CNBD1: variants seen among roughly 807,000 people sequenced by gnomAD.
CNBD1 encodes cyclic nucleotide binding domain containing 1.
Under a neutral mutation model 54.4 loss-of-function variants are expected in CNBD1, and 71 were observed. The observed-to-expected ratio is 1.30, with a 90% confidence interval of 1.08 to 1.59. The LOEUF is 1.59. CNBD1 is among the 40% of genes most tolerant of loss of function. The pLI, the probability that CNBD1 is intolerant of heterozygous loss-of-function variation, is 0.00. For synonymous variants in CNBD1, 182 were observed against 170.7 expected, an observed-to-expected ratio of 1.07 and a Z score of -0.51; for missense variants, 659 against 518.0, an observed-to-expected ratio of 1.27 and a Z score of -2.64.
chr8:87,327,293 A>G (rs1053257953), intron 8 of CNBD1, among the ~76,000 whole-genome samples: 1 of 148,982 alleles, frequency 6.7e-6, no homozygotes, highest in Non-Finnish European at 1.5e-5. Context: ...TGGAGCCTAC[A>G]GAGGCAGGCT....
chr8:87,378,930 T>G (rs1476392453), intron 10 of CNBD1, among the ~76,000 whole-genome samples: 1 of 148,972 alleles, frequency 6.7e-6, no homozygotes, highest in Non-Finnish European at 1.5e-5. Context: ...TGAATGGGAG[T>G]TCACTCATGA....
intron 4 of CNBD1, among the ~76,000 whole-genome samples, chr8:87,003,198 G>A (rs1351042064): frequency 6.6e-6 from 1 of 151,990 alleles, no homozygotes; most frequent in Non-Finnish European, 1.5e-5. Flanking sequence ...AGATATGAAG[G>A]GATATATTTA....
chr8:87,030,798 G>T (rs1809764772), intron 4 of CNBD1, among the ~76,000 whole-genome samples: 1 of 151,242 alleles, frequency 6.6e-6, no homozygotes, highest in African/African-American at 2.4e-5. Flanking sequence ...GGCAGAAAGG[G>T]AAAGGGTGAT....
At chr8:87,415,977 A>C (rs1293111249) in intron 2 of CNBD1, among the ~76,000 whole-genome samples, 3 of 151,954 alleles carry the variant, frequency 2.0e-5, no homozygotes. Context: ...TCATATGGAC[A>C]TTAACAAAAA....
intron 6 of CNBD1, among the ~76,000 whole-genome samples, chr8:87,243,740 C>T (rs897034784): frequency 6.6e-6 from 1 of 151,954 alleles, no homozygotes; most frequent in Non-Finnish European, 1.5e-5. Flanking sequence ...TTATTCGTGA[C>T]ACAAAACAGG....
intron 4 of CNBD1, among the ~76,000 whole-genome samples, chr8:87,107,851 A>G (rs1389995971): frequency 1.3e-5 from 2 of 152,214 alleles, no homozygotes; most frequent in Non-Finnish European, 2.9e-5. Flanking sequence ...ATTTCAACCT[A>G]TACCCAGCAG....
chr8:86,888,597 G>A (rs1808715069), intron 2 of CNBD1, among the ~76,000 whole-genome samples: 1 of 152,116 alleles, frequency 6.6e-6, no homozygotes, highest in Admixed American at 6.5e-5. Flanking sequence ...GATTAAATGA[G>A]CCTAATATAT....
intron 10 of CNBD1, among the ~76,000 whole-genome samples, chr8:87,365,967 A>G (rs1256187957): frequency 6.6e-6 from 1 of 152,072 alleles, no homozygotes; most frequent in Non-Finnish European, 1.5e-5. Context: ...CTCTTAAGTC[A>G]TAAAATGTCC....
At chr8:87,336,552 T>C (rs1329328843) in intron 8 of CNBD1, among the ~76,000 whole-genome samples, 2 of 152,158 alleles carry the variant, frequency 1.3e-5, no homozygotes, top group African/African-American at 2.4e-5. Context: ...CATCAGGTCA[T>C]TTATGTTTCT....
At chr8:87,196,835 T>C (rs1219697198) in intron 4 of CNBD1, among the ~76,000 whole-genome samples, 1 of 152,198 alleles carries the variant, frequency 6.6e-6, no homozygotes, top group African/African-American at 2.4e-5. Flanking sequence ...ATCTCTGGAA[T>C]ACACTAAAAT....
intron 4 of CNBD1, among the ~76,000 whole-genome samples, chr8:87,043,343 A>T (rs1372892178): frequency 6.6e-6 from 1 of 152,162 alleles, no homozygotes; most frequent in Non-Finnish European, 1.5e-5. Context: ...ATATCTATAA[A>T]GTCTGATATA....
intron 8 of CNBD1, among the ~76,000 whole-genome samples, chr8:87,321,611 T>A (rs1049960904): frequency 3.3e-5 from 5 of 152,126 alleles, no homozygotes; most frequent in African/African-American, 7.2e-5. Context: ...AGGTATATAG[T>A]CTGCAAATAT....
intron 6 of CNBD1, among the ~76,000 whole-genome samples, chr8:87,261,820 T>A (rs781755041): frequency 4.6e-5 from 7 of 152,050 alleles, no homozygotes; most frequent in Non-Finnish European, 8.8e-5. Flanking sequence ...ATATTTAGTT[T>A]GCTTTAACCG....
At chr8:87,343,651 A>G (rs10282857) in intron 8 of CNBD1, among the ~76,000 whole-genome samples, 42,836 of 152,136 alleles carry the variant, frequency 0.28, 6,739 homozygotes, top group Middle Eastern at 0.41. Context: ...ACAAAGTTGA[A>G]TACTATAAAG....
At chr8:87,407,731 T>C (rs1485640045) in intron 2 of CNBD1, among the ~76,000 whole-genome samples, 1 of 152,088 alleles carries the variant, frequency 6.6e-6, no homozygotes, top group Non-Finnish European at 1.5e-5. Context: ...TTTCAATTTG[T>C]ATTACCTTGC....
At chr8:87,283,574 A>C (rs1048229316) in intron 6 of CNBD1, among the ~76,000 whole-genome samples, 5 of 152,128 alleles carry the variant, frequency 3.3e-5, no homozygotes, top group Admixed American at 3.3e-4. Context: ...GCATAAGTGT[A>C]TGCTCTGTAC....
At chr8:86,917,754 C>T (rs572699067) in intron 3 of CNBD1, among the ~76,000 whole-genome samples, 1 of 152,278 alleles carries the variant, frequency 6.6e-6, no homozygotes, top group African/African-American at 2.4e-5. Flanking sequence ...CTGATAGCTT[C>T]CTCTCTCCAA....
chr8:87,403,809 A>G (rs1019383190), intron 2 of CNBD1, among the ~76,000 whole-genome samples: 1 of 151,982 alleles, frequency 6.6e-6, no homozygotes, highest in African/African-American at 2.4e-5. Flanking sequence ...AACACAAATC[A>G]TTTGAGTTTT....
chr8:87,144,283 C>T (rs1812436343), intron 4 of CNBD1, among the ~76,000 whole-genome samples: 1 of 152,132 alleles, frequency 6.6e-6, no homozygotes, highest in South Asian at 2.1e-4. Context: ...ACCAATCTCA[C>T]AGATTATATT....
Sources: allele counts gnomAD v4.1 joint callset (sites outside exome capture counted in the v4.1 genomes callset), GRCh38; gene constraint gnomAD v4.1.1; transcripts MANE v1.5; gene names NCBI Gene and HGNC (gene_info 2026-07-23, HGNC 2026-07-21).